Variants in FUT8 observed in about 807,000 individuals in gnomAD.
The protein encoded by FUT8 is alpha-(1,6)-fucosyltransferase.
FUT8 carries 29 observed loss-of-function variants against 71.3 expected under a neutral mutation model. That is an observed-to-expected ratio of 0.41 (90% CI 0.30 to 0.55). The LOEUF (loss-of-function observed/expected upper bound fraction) is 0.55. Among genes scored for constraint, FUT8 ranks in the 20% least tolerant of loss-of-function variants. FUT8 has a pLI of 0.34. For missense variants in FUT8, 544 were observed against 702.1 expected (o/e 0.77, Z 2.55); for synonymous variants, 254 against 239.3 (o/e 1.06, Z -0.57).
At chr14:65,728,562 G>A (rs1895802301) in intron 9 of FUT8, among the ~76,000 whole-genome samples, 1 of 152,216 alleles carries the variant, frequency 6.6e-6, no homozygotes, top group African/African-American at 2.4e-5. Flanking sequence ...TCCCATTTAT[G>A]TAGTCTCATT....
intron 2 of FUT8, among the ~76,000 whole-genome samples, chr14:65,507,647 G>C (rs564583369): frequency 1.7e-4 from 26 of 152,126 alleles, no homozygotes; most frequent in Admixed American, 6.5e-5. Flanking sequence ...CTCTTTTATG[G>C]CTGAATAGTA....
chr14:65,439,044 G>T (rs1351316694), intron 1 of FUT8, among the ~76,000 whole-genome samples: 2 of 152,146 alleles, frequency 1.3e-5, no homozygotes, highest in African/African-American at 4.8e-5. Context: ...ATACAGATTG[G>T]TTTGGCTAAT....
chr14:65,684,513 A>G (rs560308408), intron 7 of FUT8, among the ~76,000 whole-genome samples: 20 of 152,226 alleles, frequency 1.3e-4, no homozygotes, highest in Admixed American at 3.9e-4. Context: ...ATGGTTCCAA[A>G]AGCTATATTT....
At chr14:65,609,492 CTTG>C (rs1015640094) in intron 3 of FUT8, among the ~76,000 whole-genome samples, 4 of 151,818 alleles carry the variant, frequency 2.6e-5, no homozygotes, top group East Asian at 1.9e-4. Flanking sequence ...TTGTTTTCCT[CTTG>C]TTGTGAAAAC....
intron 5 of FUT8, among the ~76,000 whole-genome samples, chr14:65,625,761 T>C (rs1320323789): frequency 6.6e-6 from 1 of 152,230 alleles, no homozygotes; most frequent in Non-Finnish European, 1.5e-5. Flanking sequence ...ATAGTCTAAA[T>C]GGTGGCTAAG....
At chr14:65,632,299 A>G (rs1465374307) in intron 6 of FUT8, among the ~76,000 whole-genome samples, 1 of 152,208 alleles carries the variant, frequency 6.6e-6, no homozygotes, top group Non-Finnish European at 1.5e-5. Flanking sequence ...AAGAATCTCC[A>G]CACTGTTTTC....
the FUT8 span, among the ~76,000 whole-genome samples, chr14:65,380,930 A>G: frequency 6.6e-6 from 1 of 152,226 alleles, no homozygotes; most frequent in Non-Finnish European, 1.5e-5. Flanking sequence ...CCACATGGCA[A>G]AGATAATAAT....
At position 65,652,786 on chromosome 14, in the gene FUT8, C is replaced by T. The variant is rs892866688; in HGVS notation, c.598-16457C>T. On this transcript the variant is annotated intron_variant, in intron 6 of 10. Transcript: ENST00000673929. This position sits in a 1 kb window ranked among gnomAD's most constrained non-coding sequence, Gnocchi z 4.0. ...ACTTCTACTAAACCTACCTATACTC[C>T]AGCTGTCCCTGTTAACAGGACCTCA... 7.2e-5 allele frequency among the ~76,000 whole-genome samples: 11 copies of T among 152,286 alleles called. No individual in the cohort carries two copies. The highest frequency in any genetic ancestry group is 2.6e-4 in the Admixed American group (4 of 15,292).
intron 7 of FUT8, among the ~76,000 whole-genome samples, chr14:65,677,802 A>G (rs1892837279): frequency 6.6e-6 from 1 of 152,224 alleles, no homozygotes; most frequent in South Asian, 2.1e-4. Context: ...ATTGAGTATC[A>G]TGAGACCCAT....
rs1401182565 is a variant in FUT8, at chr14:65,652,388, T to A, written c.598-16855T>A. ...GTCAGAGAAATGTTTTTCTTTCTGA[T>A]AAAAATGGAGAGCACATAAGAAAAA... is the stretch of plus-strand genomic sequence containing the variant. On this transcript the variant is annotated intron_variant, in intron 6 of 10. Coordinates refer to ENST00000673929, the MANE Select transcript of FUT8 (RefSeq NM_001371533.1). The surrounding 1 kb of genome is among the most constrained non-coding windows in gnomAD (Gnocchi z 4.0). Among the ~76,000 whole-genome samples the A allele has an allele frequency of 6.6e-6, 1 of 152,208 alleles. No individual in the cohort carries two copies. The highest frequency in any genetic ancestry group is 1.5e-5 in the Non-Finnish European group (1 of 68,046).
At chr14:65,711,530 C>G (rs1226449042) in intron 7 of FUT8, among the ~76,000 whole-genome samples, 2 of 151,976 alleles carry the variant, frequency 1.3e-5, no homozygotes, top group East Asian at 3.9e-4. Flanking sequence ...CTCTTTCATT[C>G]TTCTTTTTCT....
chr14:65,595,602 CTTTTTTTTTT>C (rs34129010), intron 3 of FUT8, among the ~76,000 whole-genome samples: 1,210 of 81,880 alleles, frequency 0.015, 14 homozygotes, highest in African/African-American at 0.048. Flanking sequence ...ACACCATTCT[CTTTTTTTTTT>C]TTTTTTTTTT....
At chr14:65,526,260 A>G (rs767745171) in intron 2 of FUT8, among the ~76,000 whole-genome samples, 1 of 152,114 alleles carries the variant, frequency 6.6e-6, no homozygotes, top group African/African-American at 2.4e-5. Context: ...ATTAGGTGCA[A>G]ATATATTTAG....
intron 1 of FUT8, among the ~76,000 whole-genome samples, chr14:65,414,147 C>T (rs2139353398): frequency 6.6e-6 from 1 of 152,152 alleles, no homozygotes; most frequent in Middle Eastern, 3.4e-3. Context: ...AGTACATAAC[C>T]CCAAATTTCA....
intron 1 of FUT8, among the ~76,000 whole-genome samples, chr14:65,419,407 T>C (rs578154842): frequency 6.6e-6 from 1 of 151,920 alleles, no homozygotes; most frequent in East Asian, 1.9e-4. Flanking sequence ...CTCATGGGAG[T>C]ACTGTTAGCA....
intron 10 of FUT8, among the ~76,000 whole-genome samples, chr14:65,740,280 A>G (rs900999252): frequency 6.6e-6 from 1 of 151,826 alleles, no homozygotes; most frequent in Non-Finnish European, 1.5e-5. Flanking sequence ...TGCATAAATC[A>G]CTTAATCTCC....
chr14:65,713,526 A>AT (rs1161546417), intron 7 of FUT8, among the ~76,000 whole-genome samples: 6 of 152,168 alleles, frequency 3.9e-5, no homozygotes, highest in African/African-American at 1.4e-4. Context: ...CCAACAGTGT[A>AT]TGAGGGTTCC....
intron 9 of FUT8, among the ~76,000 whole-genome samples, chr14:65,731,676 A>AG (rs1192893668): frequency 6.6e-6 from 1 of 152,148 alleles, no homozygotes. Flanking sequence ...TTTTAAAAAA[A>AG]TAATGGTAGG....
chr14:65,665,461 T>G (rs893483007), intron 6 of FUT8, among the ~76,000 whole-genome samples: 2 of 152,014 alleles, frequency 1.3e-5, no homozygotes, highest in African/African-American at 4.8e-5. Flanking sequence ...AATAAAGAAG[T>G]GAAAGAAAGA....
Sources: allele counts gnomAD v4.1 joint callset (sites outside exome capture counted in the v4.1 genomes callset), GRCh38; gene constraint gnomAD v4.1.1; non-coding constraint Gnocchi (gnomAD v3.1); transcripts MANE v1.5; gene names NCBI Gene and HGNC (gene_info 2026-07-23, HGNC 2026-07-21).